Variants in ADAMTS20 observed in about 807,000 individuals in gnomAD.
The protein encoded by ADAMTS20 is ADAM metallopeptidase with thrombospondin type 1 motif 20.
In ADAMTS20, 225 loss-of-function variants were observed where a neutral mutation model predicts 260.1. That is an observed-to-expected ratio of 0.87 (90% confidence interval 0.78 to 0.97). The LOEUF (loss-of-function observed/expected upper bound fraction) is 0.97. Ranked by LOEUF, ADAMTS20 falls within the 50% of genes least tolerant of loss-of-function variation. The pLI is 0.00. For missense variants in ADAMTS20, 2,400 were observed against 2,337.7 expected (o/e 1.03, Z -0.55); for synonymous variants, 802 against 769.5 (o/e 1.04, Z -0.70).
At chr12:43,460,857 G>A (rs1339026059) in intron 11 of ADAMTS20, among the ~76,000 whole-genome samples, 1 of 149,484 alleles carries the variant, frequency 6.7e-6, no homozygotes, top group East Asian at 2.0e-4. Context: ...ACGCTGTATA[G>A]TTCTACTTAC....
rs368399847 is a variant in ADAMTS20, at chr12:43,425,106, G to T, written c.4284+408C>A. Among the ~76,000 whole-genome samples the T allele has an allele frequency of 3.9e-5, 6 of 152,196 alleles. No individual in the cohort carries two copies. The East Asian group carries it at 1.2e-3, about 29-fold the overall frequency. ...TAAGGAATGATATCACGTCCTTTGC[G>T]GGGACATGGATAGAATTGGATACCA... On this transcript the variant is annotated intron_variant, in intron 28 of 38. Coordinates refer to ENST00000389420, the MANE Select transcript of ADAMTS20 (RefSeq NM_025003.5).
chr12:43,412,834 CAG>C (rs1290545192), intron 28 of ADAMTS20, among the ~76,000 whole-genome samples: 4 of 99,444 alleles, frequency 4.0e-5, no homozygotes, highest in Admixed American at 1.5e-4. Flanking sequence ...TTTTTTGAGA[CAG>C]AGTCTGGCTC....
intron 2 of ADAMTS20, among the ~76,000 whole-genome samples, chr12:43,537,277 A>T (rs1943309521): frequency 6.6e-6 from 1 of 151,346 alleles, no homozygotes; most frequent in Non-Finnish European, 1.5e-5. Flanking sequence ...CTGGTCCCGA[A>T]CTCCTGAGTT....
At chr12:43,403,365 A>C (rs1046939492) in intron 28 of ADAMTS20, among the ~76,000 whole-genome samples, 1 of 152,142 alleles carries the variant, frequency 6.6e-6, no homozygotes, top group Non-Finnish European at 1.5e-5. Context: ...ATTTAGTTTC[A>C]GTTGTAGGAA....
intron 37 of ADAMTS20, among the ~76,000 whole-genome samples, chr12:43,357,568 CAAAT>C (rs1320163359): frequency 6.6e-6 from 1 of 152,056 alleles, no homozygotes; most frequent in African/African-American, 2.4e-5. Flanking sequence ...CATTTAAAAA[CAAAT>C]GAAGATCAAA....
intron 2 of ADAMTS20, among the ~76,000 whole-genome samples, chr12:43,535,094 A>G (rs1317458433): frequency 6.6e-6 from 1 of 152,018 alleles, no homozygotes; most frequent in Admixed American, 6.6e-5. Flanking sequence ...ACTCCTAAAA[A>G]CACATTACAT....
chr12:43,357,926 T>A (rs188400515), intron 37 of ADAMTS20, among the ~76,000 whole-genome samples: 10 of 152,332 alleles, frequency 6.6e-5, no homozygotes, highest in Non-Finnish European at 1.2e-4. Context: ...AATATTTGAA[T>A]AAAAAGAATT....
At chr12:43,393,567 A>G (rs1013813029) in intron 29 of ADAMTS20, among the ~76,000 whole-genome samples, 9 of 152,072 alleles carry the variant, frequency 5.9e-5, no homozygotes, top group African/African-American at 1.9e-4. Flanking sequence ...AAATGGGTTC[A>G]TCAAGGCTGA....
At position 43,501,055 on chromosome 12, in the gene ADAMTS20, C is replaced by CTT. The variant is rs79075751; in HGVS notation, c.867+1095_867+1096dup. On this transcript the variant is annotated intron_variant, in intron 4 of 38. Transcript: ENST00000389420. ...TCTATAAATAGGTGGCTATGTAATT[C>CTT]TTTTTTTTTTTTTTTTTTTTGAGTC... Among the ~76,000 whole-genome samples the CTT allele has an allele frequency of 1.6e-3, 166 of 104,860 alleles. 4 individuals are homozygous for CTT. The highest frequency in any genetic ancestry group is 4.9e-3 in the African/African-American group (141 of 28,632). The allele number at this position is 104,860 out of a possible 152,430, so 68.8% of individuals were successfully genotyped here. A position where few individuals can be genotyped will look rare whatever the true frequency, so the allele number is the denominator to read the frequency against.
chr12:43,486,945 T>TA (rs1942530742), intron 7 of ADAMTS20, among the ~76,000 whole-genome samples: 1 of 152,038 alleles, frequency 6.6e-6, no homozygotes, highest in Non-Finnish European at 1.5e-5. Context: ...ATAGATGTGG[T>TA]AAAAAAGAAA....
chr12:43,479,731 A>G (rs1368442433), intron 7 of ADAMTS20, among the ~76,000 whole-genome samples: 1 of 152,146 alleles, frequency 6.6e-6, no homozygotes, highest in African/African-American at 2.4e-5. Context: ...AAATTAGAAA[A>G]GAAGAAATCC....
intron 11 of ADAMTS20, among the ~76,000 whole-genome samples, chr12:43,457,451 C>T (rs1941984724): frequency 6.6e-6 from 1 of 152,106 alleles, no homozygotes; most frequent in African/African-American, 2.4e-5. Context: ...ACTTCTAGTC[C>T]AGATCTCTCT....
chr12:43,505,121 C>T (rs1250565841), intron 3 of ADAMTS20, among the ~76,000 whole-genome samples: 3 of 152,124 alleles, frequency 2.0e-5, no homozygotes, highest in African/African-American at 7.2e-5. Flanking sequence ...GCCAAGACCA[C>T]TCAATATAGA....
At position 43,492,419 on chromosome 12, in the gene ADAMTS20, C is replaced by CA. The variant is rs200942067; in HGVS notation, c.1076+85dup. The CA allele has an allele frequency of 1.3e-3, 1,774 of 1,395,270 alleles. 13 individuals carry two copies. The East Asian group carries it at 0.026, about 20-fold the overall frequency. 86.4% of individuals were successfully genotyped at this position (1,395,270 alleles called of 1,614,324 possible). ...AAGAAAAAGAAAAACAAAAACAAAA[C>CA]AAAAAAAAGAATTAAGAAGAAGTAT... On this transcript the variant is annotated intron_variant, in intron 6 of 38. Coordinates refer to ENST00000389420, the MANE Select transcript of ADAMTS20 (RefSeq NM_025003.5).
At chr12:43,425,800 A>G (rs1941321829) in intron 27 of ADAMTS20, 110 bp from the exon 28 acceptor site, 2 of 735,370 alleles carry the variant, frequency 2.7e-6, no homozygotes, top group Non-Finnish European at 4.0e-6. Context: ...AGTAATTTTA[A>G]CATAATTAGT....
intron 3 of ADAMTS20, among the ~76,000 whole-genome samples, chr12:43,507,126 T>G (rs1942856555): frequency 2.0e-5 from 3 of 152,306 alleles, no homozygotes; most frequent in African/African-American, 7.2e-5. Context: ...ACATACAAAT[T>G]GGTAACTCTG....
chr12:43,367,026 A>T (rs1261587200), intron 37 of ADAMTS20, among the ~76,000 whole-genome samples: 1 of 152,010 alleles, frequency 6.6e-6, no homozygotes, highest in African/African-American at 2.4e-5. Context: ...AAATTTGAAT[A>T]CATCTATAAT....
intron 36 of ADAMTS20, among the ~76,000 whole-genome samples, chr12:43,373,338 G>A (rs899662956): frequency 1.2e-4 from 18 of 152,162 alleles, no homozygotes; most frequent in African/African-American, 2.4e-4. Context: ...AACTTAGAGC[G>A]CTAATAACAT....
chr12:43,460,218 A>G (rs989464090), intron 11 of ADAMTS20, among the ~76,000 whole-genome samples: 14 of 152,344 alleles, frequency 9.2e-5, no homozygotes, highest in African/African-American at 3.1e-4. Context: ...TTCAATCTGC[A>G]TTGGCTCTAA....
Sources: gnomAD v4.1 joint callset for allele counts (sites outside exome capture counted in the v4.1 genomes callset) on GRCh38, gnomAD v4.1.1 for gene constraint, MANE v1.5 for transcripts, NCBI Gene and HGNC (gene_info 2026-07-23, HGNC 2026-07-21) for gene names.